MAST4: variants seen among roughly 807,000 people sequenced by gnomAD.
MAST4 encodes microtubule-associated serine/threonine-protein kinase 4.
MAST4 carries 89 observed loss-of-function variants against 162.7 expected under a neutral mutation model. The observed-to-expected ratio is 0.55, with a 90% confidence interval of 0.46 to 0.65. The LOEUF (loss-of-function observed/expected upper bound fraction) is 0.65. Among genes scored for constraint, MAST4 ranks in the 30% least tolerant of loss-of-function variants. The pLI, the probability that MAST4 is intolerant of heterozygous loss-of-function variation, is 0.00. For synonymous variants in MAST4, 1,479 were observed against 1,361.1 expected, an observed-to-expected ratio of 1.09 and a Z score of -1.91; for missense variants, 3,153 against 3,374.0, an observed-to-expected ratio of 0.93 and a Z score of 1.62.
At chr5:67,078,930 ATATAT>A (rs1250485687) in intron 5 of MAST4, among the ~76,000 whole-genome samples, 6 of 63,134 alleles carry the variant, frequency 9.5e-5, no homozygotes, top group South Asian at 9.3e-4. Flanking sequence ...ATATATATAT[ATATAT>A]ATATATATAT....
intron 2 of MAST4, among the ~76,000 whole-genome samples, chr5:66,772,509 AT>A (rs1396053343): frequency 6.6e-6 from 1 of 152,188 alleles, no homozygotes; most frequent in Non-Finnish European, 1.5e-5. Flanking sequence ...GAATTGGTAA[AT>A]TGCACTATAC....
chr5:66,928,772 A>T (rs887035935), intron 4 of MAST4, among the ~76,000 whole-genome samples: 3 of 152,188 alleles, frequency 2.0e-5, no homozygotes, highest in Non-Finnish European at 4.4e-5. Context: ...TTCTTTTTCC[A>T]TGTTGAGTGC....
At chr5:67,100,069 A>G (rs531091122) in intron 7 of MAST4, among the ~76,000 whole-genome samples, 88 of 152,222 alleles carry the variant, frequency 5.8e-4, no homozygotes, top group African/African-American at 2.1e-3. Context: ...AGCAGCAGTA[A>G]ACTCGGGGGT....
chr5:66,965,911 T>C (rs1313012916), intron 4 of MAST4, among the ~76,000 whole-genome samples: 2 of 152,188 alleles, frequency 1.3e-5, no homozygotes, highest in Non-Finnish European at 1.5e-5. Context: ...TAAGAATAGA[T>C]TGTATTTTAG....
chr5:66,781,985 C>A (rs1439663037), intron 2 of MAST4, among the ~76,000 whole-genome samples: 1 of 152,044 alleles, frequency 6.6e-6, no homozygotes. Context: ...CTTCGGGGTG[C>A]TTTGAAAGCA....
In MAST4 at chr5:67,078,926, A is replaced by ATTTT. The variant is rs1561622344; in HGVS notation, c.764-11235_764-11234insTTTT. Among the ~76,000 whole-genome samples the ATTTT allele has an allele frequency of 7.3e-3, 643 of 87,638 alleles. 9 individuals carry two copies. The highest frequency in any genetic ancestry group is 0.022 in the African/African-American group (402 of 18,276). The allele number at this position is 87,638 out of a possible 152,430, so 57.5% of individuals were successfully genotyped here. A position where few individuals can be genotyped will look rare whatever the true frequency, so the allele number is the denominator to read the frequency against. On this transcript the variant is annotated intron_variant, in intron 5 of 28. Transcript: ENST00000403625. ...TTTTTATATAAATATATATATATAT[A>ATTTT]TATATATATATATATATATATATAT...
intron 1 of MAST4, among the ~76,000 whole-genome samples, chr5:66,628,380 T>C (rs957730203): frequency 5.5e-5 from 8 of 146,504 alleles, no homozygotes; most frequent in African/African-American, 1.8e-4. Flanking sequence ...AACTGTAAAA[T>C]AAGGTCATTG....
intron 5 of MAST4, among the ~76,000 whole-genome samples, chr5:67,063,105 A>C (rs936284894): frequency 3.9e-5 from 6 of 152,002 alleles, no homozygotes; most frequent in African/African-American, 1.4e-4. Flanking sequence ...TCATTTCATT[A>C]ATAAGTTTCT....
chr5:67,001,359 A>G (rs999929708), intron 4 of MAST4: 2 of 152,140 alleles, frequency 1.3e-5, no homozygotes, highest in Non-Finnish European at 2.9e-5. Context: ...TTCGCTCACT[A>G]TATTAATTCA....
intron 3 of MAST4, among the ~76,000 whole-genome samples, chr5:66,885,696 T>C (rs1404141210): frequency 6.6e-6 from 1 of 152,222 alleles, no homozygotes; most frequent in Non-Finnish European, 1.5e-5. Flanking sequence ...GTATCAATAA[T>C]AAATTTAAGA....
intron 1 of MAST4, among the ~76,000 whole-genome samples, chr5:66,606,305 G>A (rs1374182225): frequency 6.6e-6 from 1 of 152,078 alleles, no homozygotes; most frequent in African/African-American, 2.4e-5. Context: ...CTTGTTGCTT[G>A]CTTCTTTTTC....
At chr5:66,605,781 G>A (rs937995859) in intron 1 of MAST4, among the ~76,000 whole-genome samples, 2 of 152,094 alleles carry the variant, frequency 1.3e-5, no homozygotes, top group Non-Finnish European at 2.9e-5. Context: ...CAGAGGACAA[G>A]GGATTAAAGG....
chr5:66,631,109 T>C (rs994054108), intron 1 of MAST4, among the ~76,000 whole-genome samples: 5 of 152,236 alleles, frequency 3.3e-5, no homozygotes, highest in African/African-American at 9.6e-5. Flanking sequence ...GCCATGGATC[T>C]GGAAACCAGG....
At chr5:67,018,226 C>T (rs1230475328) in intron 4 of MAST4, among the ~76,000 whole-genome samples, 1 of 152,092 alleles carries the variant, frequency 6.6e-6, no homozygotes, top group Non-Finnish European at 1.5e-5. Flanking sequence ...ATTGTGTGGT[C>T]TACTGTTAAT....
chr5:67,037,659 T>G lies in MAST4; in HGVS notation c.675-16745T>G, dbSNP rs144283253. ...CTCCTGGATGAGCTAGAGATTAATC[T>G]TTTTGAGGTAAAATCATCTCTTAGA... On this transcript the variant is annotated intron_variant, in intron 4 of 28. Coordinates refer to ENST00000403625, the MANE Select transcript of MAST4 (RefSeq NM_001164664.2). Among the ~76,000 whole-genome samples, 216 of 152,314 alleles carry G rather than the reference T, an allele frequency of 1.4e-3. 1 individual carries two copies. The highest frequency in any genetic ancestry group is 5.0e-3 in the African/African-American group (208 of 41,572).
At chr5:66,856,270 A>G (rs1231049174) in intron 3 of MAST4, among the ~76,000 whole-genome samples, 1 of 152,116 alleles carries the variant, frequency 6.6e-6, no homozygotes, top group Non-Finnish European at 1.5e-5. Context: ...TGCAGGGAGA[A>G]CCTGCAGGGT....
At chr5:66,747,899 G>A (rs1752866435) in intron 1 of MAST4, among the ~76,000 whole-genome samples, 1 of 152,164 alleles carries the variant, frequency 6.6e-6, no homozygotes, top group South Asian at 2.1e-4. Context: ...AAGGGTGAGG[G>A]GGTGGAGGGA....
At chr5:67,102,813 C>G (rs950618492) in intron 9 of MAST4, among the ~76,000 whole-genome samples, 1 of 152,170 alleles carries the variant, frequency 6.6e-6, no homozygotes, top group South Asian at 2.1e-4. Context: ...CTGTGCTCTA[C>G]GTGTGCTGAG....
At chr5:67,024,385 G>GAT (rs1754376047) in intron 4 of MAST4, among the ~76,000 whole-genome samples, 1 of 144,560 alleles carries the variant, frequency 6.9e-6, no homozygotes, top group East Asian at 2.0e-4. Flanking sequence ...GTACACACAC[G>GAT]ATATATATCT....
Sources: gnomAD v4.1 joint callset for allele counts (sites outside exome capture counted in the v4.1 genomes callset) on GRCh38, gnomAD v4.1.1 for gene constraint, MANE v1.5 for transcripts, NCBI Gene and HGNC (gene_info 2026-07-23, HGNC 2026-07-21) for gene names.